CA5A: variants seen among roughly 807,000 people sequenced by gnomAD.
CA5A encodes carbonic anhydrase 5A, mitochondrial.
CA5A carries 28 observed loss-of-function variants against 37.1 expected under a neutral mutation model. That is an observed-to-expected ratio of 0.75 (90% CI 0.56 to 1.03). The LOEUF is 1.03. CA5A is among the 50% of genes least tolerant of loss of function. The pLI is 0.00. For synonymous variants in CA5A, 171 were observed against 158.4 expected (o/e 1.08, Z -0.60); for missense variants, 444 against 399.9 (o/e 1.11, Z -0.94).
rs751679744 is a variant in CA5A, at chr16:87,904,890, G to A, written c.355C>T (p.Pro119Ser). Residue 119 changes from proline (P) to serine (S), a missense_variant, in exon 3 of 7, where the codon CCC becomes TCC. Transcript: ENST00000649794. ...ATEASGISGG[P>S]LENHYRLKQF... ...TTCAGTCTGTAGTGGTTTTCCAAGG[G>A]CCCACCACTAATTCCTGGAAATAAA... is the stretch of plus-strand genomic sequence containing the variant. The A allele has an allele frequency of 1.2e-6, 2 of 1,609,542 alleles. No individual in the cohort carries two copies. The highest frequency in any genetic ancestry group is 1.7e-6 in the Non-Finnish European group (2 of 1,175,832).
At chr16:87,907,830 G>A (rs1335488922) in intron 2 of CA5A, among the ~76,000 whole-genome samples, 1 of 152,198 alleles carries the variant, frequency 6.6e-6, no homozygotes, top group Non-Finnish European at 1.5e-5. Flanking sequence ...GGAGGCTGAG[G>A]CAGGAGAATT....
intron 2 of CA5A, among the ~76,000 whole-genome samples, chr16:87,909,525 G>A (rs1355634289): frequency 6.6e-6 from 1 of 152,216 alleles, no homozygotes; most frequent in Non-Finnish European, 1.5e-5. Flanking sequence ...CACTCGGGCT[G>A]GGCTGGAGCG....
At chr16:87,917,971 G>A (rs145469536) in intron 2 of CA5A, among the ~76,000 whole-genome samples, 28 of 152,312 alleles carry the variant, frequency 1.8e-4, no homozygotes, top group African/African-American at 6.5e-4. Flanking sequence ...TCCTTGAACC[G>A]CACAGCCACA....
rs2056048347 is a variant in CA5A at position 87,911,276 on chromosome 16, T to C, written c.341-6372A>G. Among the ~76,000 whole-genome samples the C allele has an allele frequency of 6.6e-6, 1 of 152,076 alleles. No individual in the cohort carries two copies. Among genetic ancestry groups the C allele is most frequent in the African/African-American group, 2.4e-5 (1 of 41,424 alleles). On this transcript the variant is annotated intron_variant, in intron 2 of 6. Coordinates refer to ENST00000649794, the MANE Select transcript of CA5A (RefSeq NM_001739.2). This position sits in a 1 kb window ranked among gnomAD's most constrained non-coding sequence, Gnocchi z 4.6. ...TCAGAACCGGCTCATGGAGATATAA[T>C]TGAACGATTGCCTCAGCGCGTGCCA...
intron 5 of CA5A, among the ~76,000 whole-genome samples, chr16:87,892,555 TA>T (rs369849462): frequency 0.032 from 4,106 of 129,428 alleles, 67 homozygotes; most frequent in South Asian, 0.058. Context: ...ATAATAATAA[TA>T]AATTAATTAA....
rs1160725332 is a variant in CA5A at position 87,936,363 on chromosome 16, G to T, written c.88C>A (p.Pro30Thr). The change falls in exon 1 of 7, where the codon CCA becomes ACA. Residue 30 changes from proline (P) to threonine (T), a missense_variant. Pro to Thr is a conservative substitution (Grantham distance 38). Transcript: ENST00000649794. ...WAPLWSRSMR[P>T]GRWCSQRSCA... The stretch of plus-strand genomic sequence containing the variant: ...GAACGCTGAGAACACCATCGCCCTG[G>T]CCTCATCGAACGACTCCAGAGAGGG... 1.2e-5 allele frequency: 19 copies of T among 1,613,930 alleles called. No homozygotes were observed. Among genetic ancestry groups the T allele is most frequent in the Non-Finnish European group, 1.5e-5 (18 of 1,179,910 alleles).
chr16:87,916,329 T>A (rs2056143205), intron 2 of CA5A, among the ~76,000 whole-genome samples: 1 of 152,056 alleles, frequency 6.6e-6, no homozygotes, highest in East Asian at 1.9e-4. Context: ...CTACACTACA[T>A]TTTTAGTGTA....
chr16:87,899,816 A>C (rs1374742181), intron 5 of CA5A, among the ~76,000 whole-genome samples: 1 of 144,134 alleles, frequency 6.9e-6, no homozygotes, highest in African/African-American at 2.5e-5. Flanking sequence ...GCTACTCATG[A>C]GGTTGAGGCA....
At position 87,896,754 on chromosome 16, in the gene CA5A, C is replaced by T. The variant is rs2055808405; in HGVS notation, c.619-4800G>A. On this transcript the variant is annotated intron_variant, in intron 5 of 6. Transcript: ENST00000649794. ...CGCCCAGGTTCAAGCGATTCTCCTG[C>T]CTTAGCCTCCCTAGTAGCTGGGATT... Among the ~76,000 whole-genome samples, 4 of 152,350 alleles carry T rather than the reference C, an allele frequency of 2.6e-5. No individual in the cohort carries two copies. In the South Asian group the frequency reaches 8.3e-4, roughly 32 times the overall value.
rs149097894 is a variant in CA5A at position 87,889,514 on chromosome 16, C to T, written c.775-1242G>A. On this transcript the variant is annotated intron_variant, in intron 6 of 6. Transcript: ENST00000649794. ...TATGGCTGGATGTGGTGCCTCACGC[C>T]TGTAATCCCAGCACTTTGGGAGGCC... Among the ~76,000 whole-genome samples the T allele has an allele frequency of 3.0e-3, 449 of 152,136 alleles. 5 individuals carry two copies. The highest frequency in any genetic ancestry group is 0.01 in the African/African-American group (434 of 41,504).
intron 6 of CA5A, among the ~76,000 whole-genome samples, chr16:87,891,135 TAA>T: frequency 7.3e-6 from 1 of 136,964 alleles, no homozygotes; most frequent in Non-Finnish European, 1.6e-5. Context: ...TATTATTAAT[TAA>T]TTTTCGAAAA....
At chr16:87,935,858 A>C (rs1567542544) in intron 1 of CA5A, among the ~76,000 whole-genome samples, 1 of 151,690 alleles carries the variant, frequency 6.6e-6, no homozygotes. Flanking sequence ...CCTGGGCAAA[A>C]GAGCAAAACT....
At chr16:87,915,193 T>C (rs2056118293) in intron 2 of CA5A, among the ~76,000 whole-genome samples, 2 of 152,226 alleles carry the variant, frequency 1.3e-5, no homozygotes, top group Admixed American at 1.3e-4. Context: ...GTCAGGGCTT[T>C]GTGTCTGCAG....
chr16:87,914,563 G>A (rs1479069261), intron 2 of CA5A, among the ~76,000 whole-genome samples: 4 of 152,184 alleles, frequency 2.6e-5, no homozygotes, highest in Admixed American at 2.6e-4. Context: ...CACAGCTAGA[G>A]CCACTCACTG....
intron 2 of CA5A, among the ~76,000 whole-genome samples, chr16:87,916,673 T>G (rs2056147444): frequency 3.9e-5 from 6 of 152,246 alleles, no homozygotes; most frequent in Admixed American, 3.9e-4. Flanking sequence ...ACTAATTTTC[T>G]TATCCCACCA....
chr16:87,915,961 G>A lies in CA5A; in HGVS notation c.340+10787C>T, dbSNP rs377227764. On this transcript the variant is annotated intron_variant, in intron 2 of 6. Transcript: ENST00000649794. ...AGGTTGAATGGACTCACAGTTCCAC[G>A]TGGCTGGGGAGGCCTCGCAATCACG... Among the ~76,000 whole-genome samples, 7 of 152,060 alleles carry A rather than the reference G, an allele frequency of 4.6e-5. No homozygotes were observed. The South Asian group carries it at 8.3e-4, about 18-fold the overall frequency.
intron 5 of CA5A, among the ~76,000 whole-genome samples, chr16:87,895,617 T>C (rs1277056940): frequency 6.6e-6 from 1 of 152,136 alleles, no homozygotes; most frequent in African/African-American, 2.4e-5. Context: ...TGGTTTTGGG[T>C]ATATTCACAG....
intron 5 of CA5A, among the ~76,000 whole-genome samples, chr16:87,894,844 A>T (rs1426844204): frequency 6.6e-6 from 1 of 151,020 alleles, no homozygotes; most frequent in Non-Finnish European, 1.5e-5. Context: ...GCACCATTGC[A>T]CTCCAGCCTG....
rs186870835 is a variant in CA5A at position 87,911,465 on chromosome 16, G to A, written c.341-6561C>T. On this transcript the variant is annotated intron_variant, in intron 2 of 6. Coordinates refer to ENST00000649794, the MANE Select transcript of CA5A (RefSeq NM_001739.2). The surrounding 1 kb of genome is among the most constrained non-coding windows in gnomAD (Gnocchi z 4.6). ...ATGAGCAGGCTTTTGGCAGGCACGGGTTGTTTGAAGGCTTAAAATTAGTAC... is the reference window on the plus strand; with the variant it reads ...ATGAGCAGGCTTTTGGCAGGCACGGATTGTTTGAAGGCTTAAAATTAGTAC... Among the ~76,000 whole-genome samples the A allele has an allele frequency of 8.7e-4, 132 of 152,304 alleles. No individual in the cohort carries two copies. The highest frequency in any genetic ancestry group is 3.7e-3 in the Admixed American group (56 of 15,292).
Sources: gnomAD v4.1 joint callset for allele counts (sites outside exome capture counted in the v4.1 genomes callset) on GRCh38, gnomAD v4.1.1 for gene constraint, Gnocchi (gnomAD v3.1) non-coding constraint, MANE v1.5 for transcripts, NCBI Gene and HGNC (gene_info 2026-07-23, HGNC 2026-07-21) for gene names.